Variants in CR1 observed in about 807,000 individuals in gnomAD.
CR1 encodes complement receptor type 1.
Under a neutral mutation model 187.3 loss-of-function variants are expected in CR1, and 116 were observed. The observed-to-expected ratio is 0.62, with a 90% CI of 0.53 to 0.72. The LOEUF (loss-of-function observed/expected upper bound fraction) is 0.72, where lower values mean the gene tolerates loss of function less well. Among genes scored for constraint, CR1 ranks in the 30% least tolerant of loss-of-function variants. The pLI is 0.00. For missense variants in CR1, 1,731 were observed against 2,110.7 expected, an observed-to-expected ratio of 0.82 and a Z score of 3.52; for synonymous variants, 576 against 747.1, an observed-to-expected ratio of 0.77 and a Z score of 3.73.
chr1:207,581,793 T>C (rs1660963756), intron 31 of CR1, 125 bp from the exon 32 acceptor site: 1 of 592,654 alleles, frequency 1.7e-6, no homozygotes, highest in Non-Finnish European at 3.0e-6. Context: ...TGTTTTCACC[T>C]GTGCTTTAGC....
intron 28 of CR1, among the ~76,000 whole-genome samples, chr1:207,577,548 T>C (rs530111261): frequency 1.3e-5 from 2 of 152,092 alleles, no homozygotes; most frequent in African/African-American, 2.4e-5. Flanking sequence ...GGCAGGCGGA[T>C]TGTTTGAGGC....
chr1:207,506,632 A>T, intron 2 of CR1, 82 bp from the exon 3 acceptor site: 1 of 1,114,144 alleles, frequency 9.0e-7, no homozygotes, highest in South Asian at 1.3e-5. Context: ...TCAGTAAGCT[A>T]CAGGCAGGTT....
chr1:207,521,757 C>A (rs1264218586), intron 4 of CR1, among the ~76,000 whole-genome samples: 2 of 148,188 alleles, frequency 1.3e-5, no homozygotes, highest in African/African-American at 5.0e-5. Context: ...CCTCAGCCAC[C>A]TGAGTAGCTG....
chr1:207,609,678 C>G lies in CR1; in HGVS notation c.6285C>G (p.His2095Gln), dbSNP rs1202650226. Residue 2095 changes from histidine (H) to glutamine (Q), a missense_variant, in exon 37 of 47, where the codon CAC (histidine) becomes CAG (glutamine). Physicochemically the swap from His to Gln is conservative, Grantham distance 24. Coordinates refer to ENST00000367049, the MANE Select transcript of CR1 (RefSeq NM_000651.6). The stretch of plus-strand genomic sequence containing the variant: ...GCAGATGGGGGCCCAAGCTGCCACA[C>G]TGCTCCAGGGGTGAGTGTGACCCAT... The part of the protein sequence containing the change: ...TNGRWGPKLP[H>Q]CSRVCQPPPE... The G allele has an allele frequency of 2.1e-5, 33 of 1,585,084 alleles. No individual in the cohort carries two copies. Among genetic ancestry groups the G allele is most frequent in the Non-Finnish European group, 2.7e-5 (32 of 1,166,232 alleles).
At chr1:207,578,926 T>C (rs1558243644) in intron 29 of CR1, among the ~76,000 whole-genome samples, 1 of 152,214 alleles carries the variant, frequency 6.6e-6, no homozygotes, top group Non-Finnish European at 1.5e-5. Context: ...TGAAGTACAG[T>C]GATACAATCA....
In CR1 at chr1:207,621,982, A is replaced by G; in HGVS notation, c.7262A>G (p.Asp2421Gly). Residue 2421 changes from aspartate to glycine, a missense_variant, in exon 44 of 47, where the codon GAT (aspartate) becomes GGT (glycine). Physicochemically the swap from Asp to Gly is moderately conservative, Grantham distance 94. Coordinates refer to ENST00000367049, the MANE Select transcript of CR1 (RefSeq NM_000651.6). Reference protein sequence around the residue: ...PLAKCTSRTHDALIVGTLSGT... With the variant: ...PLAKCTSRTHGALIVGTLSGT... ...TTTGTCTTCCTTTTAGGTACACATG[A>G]TGCTCTCATAGTTGGTAAGTTTTAT... 6.3e-7 allele frequency: 1 copy of G among 1,597,780 alleles called. No individual in the cohort carries two copies. Among genetic ancestry groups the G allele is most frequent in the South Asian group, 1.1e-5 (1 of 88,746 alleles).
chr1:207,609,274 C>G lies in CR1; in HGVS notation c.5897-16C>G. 6.4e-7 allele frequency: 1 copy of G among 1,564,056 alleles called. No individual in the cohort carries two copies. Among genetic ancestry groups the G allele is most frequent in the Non-Finnish European group, 8.7e-7 (1 of 1,153,666 alleles). ...TTAAAAAATAAGCTGTTTTACCATA[C>G]TCTTCCTTCTCTCAGTCATATCTTG... On this transcript the variant is annotated splice_polypyrimidine_tract_variant and intron_variant, in intron 36 of 46. Coordinates refer to ENST00000367049, the MANE Select transcript of CR1 (RefSeq NM_000651.6).
At chr1:207,630,674 A>G in intron 46 of CR1, 53 bp downstream of exon 46, 1 of 1,281,848 alleles carries the variant, frequency 7.8e-7, no homozygotes, top group South Asian at 1.4e-5. Context: ...AAATATCAAA[A>G]ATGGAAACAG....
intron 41 of CR1, 120 bp from the exon 42 acceptor site, chr1:207,617,951 T>C: frequency 9.3e-7 from 1 of 1,071,950 alleles, no homozygotes; most frequent in South Asian, 1.8e-5. Flanking sequence ...GCTTATGACC[T>C]GGCTGGTTGA....
intron 35 of CR1, among the ~76,000 whole-genome samples, chr1:207,603,041 G>T (rs1317495063): frequency 2.0e-5 from 3 of 152,014 alleles, no homozygotes; most frequent in African/African-American, 7.2e-5. Flanking sequence ...TAATGTTGTG[G>T]TGATGTTAAT....
intron 37 of CR1, among the ~76,000 whole-genome samples, chr1:207,609,959 A>G (rs1363052053): frequency 6.6e-6 from 1 of 152,166 alleles, no homozygotes; most frequent in Non-Finnish European, 1.5e-5. Context: ...ACTTTGAGAG[A>G]ACTGAGTCTT....
intron 1 of CR1, among the ~76,000 whole-genome samples, chr1:207,502,974 G>A (rs563181131): frequency 6.6e-6 from 1 of 152,172 alleles, no homozygotes; most frequent in Non-Finnish European, 1.5e-5. Flanking sequence ...CGACAGCATA[G>A]GCTCATTCCA....
chr1:207,614,791 A>T (rs1046841415), intron 40 of CR1, among the ~76,000 whole-genome samples: 1 of 152,118 alleles, frequency 6.6e-6, no homozygotes, highest in Admixed American at 6.6e-5. Context: ...TAGTTTTCTT[A>T]TCAAGGAGGA....
chr1:207,506,676 A>T, intron 2 of CR1, 38 bp from the exon 3 acceptor site: 1 of 1,583,274 alleles, frequency 6.3e-7, no homozygotes, highest in Non-Finnish European at 8.7e-7. Flanking sequence ...TTTTTAGTTT[A>T]CTCTACTTGG....
At chr1:207,515,093 A>ATATACGTGTATGCATATATACGTGTATG in intron 4 of CR1, among the ~76,000 whole-genome samples, 1 of 105,198 alleles carries the variant, frequency 9.5e-6, no homozygotes, top group Admixed American at 1.1e-4. Flanking sequence ...ACGTGTATGT[A>ATATACGTGTATGCATATATACGTGTATG]TATGTGTATA....
At position 207,565,934 on chromosome 1, in the gene CR1, G is replaced by A. The variant is rs758468401; in HGVS notation, c.3952+11G>A. On this transcript the variant is annotated intron_variant, in intron 24 of 46. Transcript: ENST00000367049. The stretch of plus-strand genomic sequence containing the variant: ...TTCCAGTGTGTGAACGTGAGTAATA[G>A]GAGCAACATTTCAGGCCAATCTCTC... 2 of 1,611,054 alleles carry A rather than the reference G, an allele frequency of 1.2e-6. No homozygotes were observed. Among genetic ancestry groups the A allele is most frequent in the Admixed American group, 3.3e-5 (2 of 59,960 alleles).
chr1:207,634,659 G>T (rs2102419348), intron 46 of CR1, among the ~76,000 whole-genome samples: 1 of 152,256 alleles, frequency 6.6e-6, no homozygotes, highest in Non-Finnish European at 1.5e-5. Context: ...GTGTCCCTTG[G>T]TGGAAGGACA....
Position 207,616,678 on chromosome 1 carries a change from C to G in CR1, c.6765C>G (p.Thr2255=), listed in dbSNP as rs1432641968. ...AAGAAATATCTTACGCATGCGACAC[C>G]CACCCAGACAGAGGGATGACCTTCA... The part of the protein sequence containing the change: ...YGKEISYACD[T]HPDRGMTFNL... Residue 2255 remains threonine (T), a synonymous_variant, in exon 41 of 47, where the codon ACC becomes ACG. Coordinates refer to ENST00000367049, the MANE Select transcript of CR1 (RefSeq NM_000651.6). 6.2e-7 allele frequency: 1 copy of G among 1,613,832 alleles called. No individual in the cohort carries two copies. Among genetic ancestry groups the G allele is most frequent in the African/African-American group, 1.3e-5 (1 of 74,908 alleles).
At chr1:207,633,520 GT>G (rs1331574467) in intron 46 of CR1, among the ~76,000 whole-genome samples, 5 of 152,170 alleles carry the variant, frequency 3.3e-5, no homozygotes, top group African/African-American at 1.2e-4. Flanking sequence ...TTCCTGTGTT[GT>G]TTTTTGCCTG....
Sources: gnomAD v4.1 joint callset for allele counts (sites outside exome capture counted in the v4.1 genomes callset) on GRCh38, gnomAD v4.1.1 for gene constraint, MANE v1.5 for transcripts, NCBI Gene and HGNC (gene_info 2026-07-23, HGNC 2026-07-21) for gene names.